Variants in NTRK3 observed in about 807,000 individuals in gnomAD.
The protein encoded by NTRK3 is NT-3 growth factor receptor.
Under a neutral mutation model 91.7 loss-of-function variants are expected in NTRK3, and 24 were observed. The observed-to-expected ratio is 0.26, with a 90% CI of 0.19 to 0.37. The LOEUF is 0.37. NTRK3 is among the 10% of genes least tolerant of loss of function. NTRK3 has a pLI of 1.00. For missense variants in NTRK3, 880 were observed against 1,068.9 expected (o/e 0.82, Z 2.46); for synonymous variants, 483 against 404.0 (o/e 1.20, Z -2.34).
intron 5 of NTRK3, among the ~76,000 whole-genome samples, chr15:88,154,329 G>A (rs564020959): frequency 6.6e-6 from 1 of 152,214 alleles, no homozygotes; most frequent in Non-Finnish European, 1.5e-5. Flanking sequence ...GGGAAGGAAG[G>A]AGGCACCATA....
intron 7 of NTRK3, 134 bp downstream of exon 7, chr15:88,137,270 C>A: frequency 2.0e-6 from 2 of 1,003,128 alleles, no homozygotes; most frequent in Non-Finnish European, 3.0e-6. Flanking sequence ...GGTCTGCACA[C>A]AACTGCAGAG....
intron 13 of NTRK3, among the ~76,000 whole-genome samples, chr15:88,061,495 G>A (rs2046212701): frequency 6.6e-6 from 1 of 152,246 alleles, no homozygotes; most frequent in Non-Finnish European, 1.5e-5. Context: ...CAACAGGTTA[G>A]AATAGGCTGA....
intron 14 of NTRK3, among the ~76,000 whole-genome samples, chr15:88,017,094 A>G (rs2077287463): frequency 6.6e-6 from 1 of 152,156 alleles, no homozygotes; most frequent in South Asian, 2.1e-4. Flanking sequence ...TGCACCAAAA[A>G]TGGGAGGCAT....
chr15:87,980,529 A>T (rs980020685), intron 14 of NTRK3, among the ~76,000 whole-genome samples: 7 of 152,090 alleles, frequency 4.6e-5, no homozygotes, highest in Non-Finnish European at 7.3e-5. Context: ...GTGTGTGTAC[A>T]CATATGTGTG....
intron 13 of NTRK3, among the ~76,000 whole-genome samples, chr15:88,053,376 G>C (rs2045399775): frequency 6.6e-6 from 1 of 152,200 alleles, no homozygotes; most frequent in Non-Finnish European, 1.5e-5. Flanking sequence ...AGAAGGGTTT[G>C]GCTACAGTGG....
At position 88,097,728 on chromosome 15, in the gene NTRK3, A is replaced by G. The variant is rs573655541; in HGVS notation, c.1396+28543T>C. Among the ~76,000 whole-genome samples the G allele has an allele frequency of 7.2e-5, 11 of 152,368 alleles. No homozygotes were observed. The East Asian group carries it at 1.9e-3, about 27-fold the overall frequency. ...CGCAATCTTTAAAAACGATGGTTAT[A>G]ATGATTACATAATAATATGGAGACT... On this transcript the variant is annotated intron_variant, in intron 13 of 18. Coordinates refer to ENST00000394480, the Ensembl canonical transcript of NTRK3.
intron 3 of NTRK3, among the ~76,000 whole-genome samples, chr15:88,204,066 G>A (rs1298686629): frequency 2.0e-5 from 3 of 152,126 alleles, no homozygotes; most frequent in East Asian, 3.9e-4. Context: ...AGTGTGTGAT[G>A]TTCCTCTCCT....
At chr15:88,047,537 C>T (rs2080338423) in intron 13 of NTRK3, among the ~76,000 whole-genome samples, 1 of 152,118 alleles carries the variant, frequency 6.6e-6, no homozygotes, top group Non-Finnish European at 1.5e-5. Flanking sequence ...GTACTGATGT[C>T]TAGATCAGGT....
chr15:87,978,557 T>G (rs1240471600), intron 14 of NTRK3: 2 of 229,368 alleles, frequency 8.7e-6, no homozygotes, highest in Non-Finnish European at 1.7e-5. Context: ...TAAAACCTCC[T>G]GCAGCCAAAG....
intron 3 of NTRK3, among the ~76,000 whole-genome samples, chr15:88,202,681 C>T (rs189907816): frequency 1.3e-5 from 2 of 152,170 alleles, no homozygotes; most frequent in Non-Finnish European, 2.9e-5. Context: ...CATCTCCTCA[C>T]CATGACCTGT....
chr15:88,140,657 GA>G, intron 6 of NTRK3, among the ~76,000 whole-genome samples: 1 of 152,366 alleles, frequency 6.6e-6, no homozygotes, highest in Middle Eastern at 3.4e-3. Context: ...TCAGAGCAAT[GA>G]TGTTATCACG....
intron 13 of NTRK3, among the ~76,000 whole-genome samples, chr15:88,087,884 A>G (rs2048654179): frequency 6.6e-6 from 1 of 152,170 alleles, no homozygotes; most frequent in Admixed American, 6.5e-5. Context: ...CCTCATCTCT[A>G]CTAAAAAGTG....
At chr15:87,979,053 G>C (rs1280185671) in intron 14 of NTRK3, 8 of 508,118 alleles carry the variant, frequency 1.6e-5, no homozygotes, top group Non-Finnish European at 2.8e-5. Flanking sequence ...GATGCTCCTG[G>C]TGCACAGGTT....
chr15:87,907,972 C>T (rs1337217739), intron 17 of NTRK3, among the ~76,000 whole-genome samples: 1 of 152,174 alleles, frequency 6.6e-6, no homozygotes, highest in Non-Finnish European at 1.5e-5. Flanking sequence ...TGTTAGACCA[C>T]GCTTCATCTG....
intron 13 of NTRK3, among the ~76,000 whole-genome samples, chr15:88,100,370 C>T (rs2050046158): frequency 6.6e-6 from 1 of 152,178 alleles, no homozygotes; most frequent in South Asian, 2.1e-4. Flanking sequence ...GAGCCATATG[C>T]AGAAAATACT....
chr15:88,185,300 A>G (rs2046857073), intron 3 of NTRK3, among the ~76,000 whole-genome samples: 1 of 152,252 alleles, frequency 6.6e-6, no homozygotes, highest in Non-Finnish European at 1.5e-5. Flanking sequence ...CATCCACTGC[A>G]TAAATTCCAG....
At chr15:88,125,426 G>T (rs1476033495) in intron 13 of NTRK3, among the ~76,000 whole-genome samples, 1 of 152,108 alleles carries the variant, frequency 6.6e-6, no homozygotes, top group Non-Finnish European at 1.5e-5. Context: ...ACCAACCTGA[G>T]TCCTGGCTCA....
chr15:88,102,045 A>G (rs1182356686), intron 13 of NTRK3, among the ~76,000 whole-genome samples: 3 of 152,166 alleles, frequency 2.0e-5, no homozygotes, highest in African/African-American at 7.2e-5. Context: ...AAAATAAAAT[A>G]GGCTGAAAAG....
intron 3 of NTRK3, among the ~76,000 whole-genome samples, chr15:88,250,479 GA>G (rs372706369): frequency 8.1e-4 from 123 of 152,324 alleles, no homozygotes; most frequent in African/African-American, 2.9e-3. Flanking sequence ...GCTACACAAG[GA>G]TAAGAAGGTA....
Sources: allele counts gnomAD v4.1 joint callset (sites outside exome capture counted in the v4.1 genomes callset), GRCh38; gene constraint gnomAD v4.1.1; transcripts MANE v1.5; gene names NCBI Gene and HGNC (gene_info 2026-07-23, HGNC 2026-07-21).